Variants in WRN observed in about 807,000 individuals in gnomAD.
WRN encodes WRN RecQ like helicase, also known as bifunctional 3'-5' exonuclease/ATP-dependent helicase WRN.
A neutral mutation model predicts 180.7 loss-of-function variants in WRN; 149 were observed. The ratio of observed to expected loss-of-function variants is 0.82; its 90% confidence interval spans 0.72 to 0.94. WRN has a LOEUF of 0.94. WRN is among the 40% of genes least tolerant of loss of function. The pLI is 0.00. For synonymous variants in WRN, 548 were observed against 568.9 expected (o/e 0.96, Z 0.52); for missense variants, 1,661 against 1,700.1 (o/e 0.98, Z 0.40).
chr8:31,115,043 A>G (rs1801463273), intron 19 of WRN, among the ~76,000 whole-genome samples: 1 of 151,746 alleles, frequency 6.6e-6, no homozygotes, highest in Non-Finnish European at 1.5e-5. Context: ...TTACAGGTGC[A>G]TGCCACCATG....
intron 1 of WRN, among the ~76,000 whole-genome samples, chr8:31,043,208 C>T (rs1276706868): frequency 6.6e-6 from 1 of 152,202 alleles, no homozygotes; most frequent in Non-Finnish European, 1.5e-5. Flanking sequence ...TTGCATCAAC[C>T]ATGACCACAT....
chr8:31,132,411 G>T lies in WRN; in HGVS notation c.2872G>T (p.Asp958Tyr). Residue 958 changes from aspartate to tyrosine, a missense_variant, in exon 24 of 35, where the codon GAC becomes TAC. By Grantham distance (160) the Asp-to-Tyr change is radical. This residue lies in a region of WRN where 1,141 missense variants were observed against 1,149.4 expected (regional missense o/e 0.99). Transcript: ENST00000298139. ...SMDDSEDTSW[D>Y]FGPQAFKLLS... ...GGATGACTCAGAGGATACATCCTGG[G>T]ACTTTGGTCCACAAGCATTTAAGCT... 6.2e-7 allele frequency: 1 copy of T among 1,614,060 alleles called. No individual in the cohort carries two copies. Among genetic ancestry groups the T allele is most frequent in the Non-Finnish European group, 8.5e-7 (1 of 1,180,008 alleles).
rs747520883 is a variant in WRN at position 31,067,182 on chromosome 8, T to C, written c.654T>C (p.Tyr218=). 3.1e-6 allele frequency: 5 copies of C among 1,613,420 alleles called. No individual in the cohort carries two copies. The Admixed American group carries it at 6.7e-5, about 22-fold the overall frequency. ...AACTGTATGCAGCCACTGATGCTTA[T>C]GTACGTGCTTAAAGATCTTTAGAAA... ...DQKLYAATDA[Y]AGFIIYRNLE... Residue 218 remains tyrosine (Y), a splice_region_variant and synonymous_variant, in exon 6 of 35, where the codon TAT becomes TAC. Coordinates refer to ENST00000298139, the MANE Select transcript of WRN (RefSeq NM_000553.6).
At position 31,147,391 on chromosome 8, in the gene WRN, G is replaced by T; in HGVS notation, c.3487G>T (p.Ala1163Ser). Reference protein sequence around the residue: ...QIVLYGKLVEARQKHANKMDV... With the variant: ...QIVLYGKLVESRQKHANKMDV... ...TGTGTTATATGGCAAATTGGTAGAA[G>T]CTAGGCAGAAACATGCCAATAAAAT... Residue 1163 changes from alanine to serine, a missense_variant, in exon 30 of 35, where the codon GCT becomes TCT. Ala to Ser is a moderately conservative substitution (Grantham distance 99). Coordinates refer to ENST00000298139, the MANE Select transcript of WRN (RefSeq NM_000553.6). The T allele has an allele frequency of 6.2e-7, 1 of 1,614,028 alleles. No individual in the cohort carries two copies. Among genetic ancestry groups the T allele is most frequent in the South Asian group, 1.1e-5 (1 of 91,080 alleles).
chr8:31,149,504 T>G (rs1476230457), intron 30 of WRN, among the ~76,000 whole-genome samples: 3 of 94,994 alleles, frequency 3.2e-5, no homozygotes, highest in African/African-American at 1.2e-4. Flanking sequence ...TGATAGAGTC[T>G]CACTCTGTCA....
At chr8:31,154,475 T>C in intron 31 of WRN, 149 bp from the exon 32 acceptor site, 1 of 924,062 alleles carries the variant, frequency 1.1e-6, no homozygotes, top group Non-Finnish European at 1.5e-6. Flanking sequence ...AAAATCCAAC[T>C]TCTTTTTGAG....
chr8:31,170,173 G>A (rs1804050546), intron 34 of WRN, among the ~76,000 whole-genome samples: 1 of 151,996 alleles, frequency 6.6e-6, no homozygotes, highest in Non-Finnish European at 1.5e-5. Context: ...TTTAAACTTG[G>A]TTTTATTGTA....
intron 33 of WRN, among the ~76,000 whole-genome samples, chr8:31,160,487 T>C (rs1803569037): frequency 6.6e-6 from 1 of 152,158 alleles, no homozygotes; most frequent in Admixed American, 6.5e-5. Context: ...GTAATTACTT[T>C]GTAGGATTAG....
intron 31 of WRN, among the ~76,000 whole-genome samples, chr8:31,152,223 C>T (rs567650722): frequency 4.1e-4 from 62 of 151,720 alleles, no homozygotes; most frequent in African/African-American, 1.3e-3. Flanking sequence ...CCCAGCTACT[C>T]GGGAGGCTGA....
At chr8:31,109,789 A>C (rs1272364637) in intron 18 of WRN, among the ~76,000 whole-genome samples, 1 of 152,158 alleles carries the variant, frequency 6.6e-6, no homozygotes, top group Non-Finnish European at 1.5e-5. Flanking sequence ...AGAGCTCAAA[A>C]TCTCACATCT....
intron 16 of WRN, 26 bp from the exon 17 acceptor site, chr8:31,096,742 C>CTTTTTTTTTTTTTTTTTTTTTT: frequency 9.8e-7 from 1 of 1,019,012 alleles, no homozygotes; most frequent in Non-Finnish European, 1.3e-6. Flanking sequence ...TTTTTTTTTT[C>CTTTTTTTTTTTTTTTTTTTTTT]TTTTTTCTTT....
intron 30 of WRN, among the ~76,000 whole-genome samples, chr8:31,149,275 T>C (rs1424708569): frequency 6.6e-6 from 1 of 151,242 alleles, no homozygotes; most frequent in Non-Finnish European, 1.5e-5. Flanking sequence ...CGGGTGCCTG[T>C]AGTCCCAGTT....
chr8:31,060,084 CACAA>C (rs1478887686), intron 3 of WRN, among the ~76,000 whole-genome samples: 2 of 151,452 alleles, frequency 1.3e-5, no homozygotes, highest in Admixed American at 6.6e-5. Context: ...AAAACAACCC[CACAA>C]ACAAACAAAA....
rs1043753466 is a variant in WRN, at chr8:31,092,482, CAT to C, written c.1898+587_1898+588del. ...GTGTATATGTACACACACACACAAACATATGTACACTTATATATACATACACA... is the reference window on the plus strand; with the variant it reads ...GTGTATATGTACACACACACACAAACATGTACACTTATATATACATACACA... On this transcript the variant is annotated intron_variant, in intron 16 of 34. Coordinates refer to ENST00000298139, the MANE Select transcript of WRN (RefSeq NM_000553.6). Among the ~76,000 whole-genome samples the C allele has an allele frequency of 1.1e-4, 16 of 150,974 alleles. No individual in the cohort carries two copies. The East Asian group carries it at 2.9e-3, about 28-fold the overall frequency.
chr8:31,054,301 C>T (rs1812182947), intron 1 of WRN, among the ~76,000 whole-genome samples: 1 of 152,128 alleles, frequency 6.6e-6, no homozygotes, highest in Non-Finnish European at 1.5e-5. Flanking sequence ...AAAGGGAAAA[C>T]AACTTTTTAT....
intron 31 of WRN, among the ~76,000 whole-genome samples, chr8:31,151,765 G>A (rs1157747524): frequency 6.6e-6 from 1 of 152,106 alleles, no homozygotes; most frequent in African/African-American, 2.4e-5. Context: ...CTTCTGGATA[G>A]AGAAGATGAC....
At chr8:31,057,724 TAAC>T (rs1812327250) in intron 1 of WRN, among the ~76,000 whole-genome samples, 1 of 152,076 alleles carries the variant, frequency 6.6e-6, no homozygotes, top group African/African-American at 2.4e-5. Context: ...ATTTTACTAT[TAAC>T]AAAACAAATA....
At chr8:31,062,407 CA>C (rs1185206717) in intron 3 of WRN, among the ~76,000 whole-genome samples, 2 of 145,618 alleles carry the variant, frequency 1.4e-5, no homozygotes, top group African/African-American at 5.1e-5. Context: ...TAATTTTCTT[CA>C]ATTTTTTTTT....
chr8:31,153,308 A>C (rs1188010434), intron 31 of WRN, among the ~76,000 whole-genome samples: 8 of 152,176 alleles, frequency 5.3e-5, no homozygotes, highest in Non-Finnish European at 8.8e-5. Context: ...TTGAGATTGC[A>C]AGGATGAGGA....
Sources: gnomAD v4.1 joint callset for allele counts (sites outside exome capture counted in the v4.1 genomes callset) on GRCh38, gnomAD v4.1.1 for gene constraint, gnomAD v4.1.1 regional missense constraint, MANE v1.5 for transcripts, NCBI Gene and HGNC (gene_info 2026-07-23, HGNC 2026-07-21) for gene names.